Variants in DOK5 observed in about 807,000 individuals in gnomAD.
The protein encoded by DOK5 is docking protein 5.
In DOK5, 27 loss-of-function variants were observed where a neutral mutation model predicts 43.3. That is an observed-to-expected ratio of 0.62 (90% CI 0.46 to 0.86). The LOEUF (loss-of-function observed/expected upper bound fraction) is 0.86, where lower values mean the gene tolerates loss of function less well. Among genes scored for constraint, DOK5 ranks in the 40% least tolerant of loss-of-function variants. The pLI, the probability that DOK5 is intolerant of heterozygous loss-of-function variation, is 0.00. For missense variants in DOK5, 373 were observed against 392.9 expected (o/e 0.95, Z 0.43); for synonymous variants, 146 against 140.1 (o/e 1.04, Z -0.30).
At chr20:54,629,168 A>G (rs1490829451) in intron 6 of DOK5, among the ~76,000 whole-genome samples, 3 of 152,168 alleles carry the variant, frequency 2.0e-5, no homozygotes, top group Non-Finnish European at 2.9e-5. Context: ...TGGGGGCAGG[A>G]CTTATAAAAC....
At chr20:54,502,665 C>T (rs1195955929) in intron 1 of DOK5, among the ~76,000 whole-genome samples, 1 of 152,042 alleles carries the variant, frequency 6.6e-6, no homozygotes, top group Non-Finnish European at 1.5e-5. Context: ...CATTTTTTCC[C>T]CACAAAAATA....
chr20:54,605,676 G>C, intron 5 of DOK5, among the ~76,000 whole-genome samples: 1 of 152,202 alleles, frequency 6.6e-6, no homozygotes, highest in East Asian at 1.9e-4. Flanking sequence ...TCAGGTTCCC[G>C]GTGATGCTTT....
At chr20:54,505,350 G>A (rs992465686) in intron 1 of DOK5, among the ~76,000 whole-genome samples, 11 of 152,198 alleles carry the variant, frequency 7.2e-5, no homozygotes, top group Admixed American at 2.0e-4. Flanking sequence ...GCAGCAAGTT[G>A]AGCAGTTGTG....
chr20:54,567,419 A>G (rs115484950), intron 2 of DOK5, among the ~76,000 whole-genome samples: 1 of 152,060 alleles, frequency 6.6e-6, no homozygotes, highest in African/African-American at 2.4e-5. Flanking sequence ...TTATTCCACT[A>G]TCATTTGTTG....
intron 2 of DOK5, among the ~76,000 whole-genome samples, chr20:54,568,857 G>A (rs1054909167): frequency 1.8e-4 from 27 of 151,970 alleles, no homozygotes; most frequent in African/African-American, 3.4e-4. Context: ...CCGTGAACCC[G>A]GGAGGCGGAG....
intron 6 of DOK5, among the ~76,000 whole-genome samples, chr20:54,626,345 G>A (rs898608755): frequency 6.6e-6 from 1 of 152,120 alleles, no homozygotes; most frequent in African/African-American, 2.4e-5. Context: ...AATTAGAGTT[G>A]GAATGAGTGG....
At position 54,603,748 on chromosome 20, in the gene DOK5, C is replaced by A. The variant is rs140722988; in HGVS notation, c.600-6640C>A. On this transcript the variant is annotated intron_variant, in intron 5 of 7. Transcript: ENST00000262593. ...GACTTTAGTAGAGCTGAGATCAAGT[C>A]CGTATTACAAGCTCCTTAGAAATTC... Among the ~76,000 whole-genome samples, 42 of 152,176 alleles carry A rather than the reference C, an allele frequency of 2.8e-4. No homozygotes were observed. In the East Asian group the frequency reaches 7.9e-3, roughly 29 times the overall value.
chr20:54,484,088 T>A (rs1981830713), intron 1 of DOK5, among the ~76,000 whole-genome samples: 1 of 152,030 alleles, frequency 6.6e-6, no homozygotes, highest in Non-Finnish European at 1.5e-5. Flanking sequence ...TTCTTAAAGA[T>A]TAAGATCAGG....
chr20:54,569,144 G>C (rs558891768), intron 2 of DOK5, among the ~76,000 whole-genome samples: 1 of 152,054 alleles, frequency 6.6e-6, no homozygotes, highest in South Asian at 2.1e-4. Flanking sequence ...AGGTAAAATG[G>C]AGTAATTCAT....
intron 2 of DOK5, among the ~76,000 whole-genome samples, chr20:54,558,069 A>G (rs1462195887): frequency 2.0e-5 from 3 of 152,222 alleles, no homozygotes; most frequent in Admixed American, 6.5e-5. Context: ...ACAGATGTCT[A>G]TGTGTCATAC....
At chr20:54,592,883 AG>A (rs966317637) in intron 5 of DOK5, among the ~76,000 whole-genome samples, 22 of 152,184 alleles carry the variant, frequency 1.4e-4, no homozygotes, top group African/African-American at 4.1e-4. Context: ...AAGAAATATA[AG>A]TTCTTCTGTA....
rs191227246 is a variant in DOK5 at position 54,525,034 on chromosome 20, G to A, written c.67-29899G>A. On this transcript the variant is annotated intron_variant, in intron 1 of 7. Coordinates refer to ENST00000262593, the MANE Select transcript of DOK5 (RefSeq NM_018431.5). ...TCACTGTCCAGTGGGAGAGCAGGCG[G>A]AAGTTCTTACCCTGCTCACATGTTA... Among the ~76,000 whole-genome samples, 5 of 152,202 alleles carry A rather than the reference G, an allele frequency of 3.3e-5. No individual in the cohort carries two copies. The South Asian group carries it at 8.3e-4, about 25-fold the overall frequency.
intron 2 of DOK5, chr20:54,555,310 C>A: frequency 3.0e-6 from 1 of 330,158 alleles, no homozygotes; most frequent in South Asian, 3.8e-5. Context: ...GTACTCCCTA[C>A]ACTGAAGCCC....
chr20:54,620,492 G>T (rs1207852563), intron 6 of DOK5, among the ~76,000 whole-genome samples: 1 of 152,184 alleles, frequency 6.6e-6, no homozygotes, highest in Non-Finnish European at 1.5e-5. Context: ...GCCAGCCTCT[G>T]CCTCCCAAAG....
rs181888321 is a variant in DOK5 at position 54,518,230 on chromosome 20, C to T, written c.67-36703C>T. 6.6e-5 allele frequency among the ~76,000 whole-genome samples: 10 copies of T among 152,178 alleles called. No homozygotes were observed. In the East Asian group the frequency reaches 7.7e-4, roughly 12 times the overall value. ...TGTTGGTGTGCTGCACCCATTAACT[C>T]GTCATTTAACATTAGGTATATCTCC... On this transcript the variant is annotated intron_variant, in intron 1 of 7. Transcript: ENST00000262593.
At chr20:54,514,316 G>T in intron 1 of DOK5, among the ~76,000 whole-genome samples, 1 of 152,134 alleles carries the variant, frequency 6.6e-6, no homozygotes, top group East Asian at 1.9e-4. Context: ...GTGAGAATTT[G>T]CCTTTTCCAC....
chr20:54,649,066 G>A (rs1979578617), intron 7 of DOK5, among the ~76,000 whole-genome samples: 2 of 152,172 alleles, frequency 1.3e-5, no homozygotes, highest in Non-Finnish European at 2.9e-5. Flanking sequence ...ATCAAAGAGT[G>A]GCACTAAACA....
At chr20:54,631,163 C>T (rs1000203355) in intron 6 of DOK5, among the ~76,000 whole-genome samples, 7 of 152,146 alleles carry the variant, frequency 4.6e-5, no homozygotes, top group African/African-American at 1.4e-4. Context: ...AGAATACGTA[C>T]GCTATCCAAT....
At position 54,517,263 on chromosome 20, in the gene DOK5, T is replaced by C. The variant is rs6098041; in HGVS notation, c.67-37670T>C. On this transcript the variant is annotated intron_variant, in intron 1 of 7. Coordinates refer to ENST00000262593, the MANE Select transcript of DOK5 (RefSeq NM_018431.5). ...GGTTAGCTTAGCTTCATTTTCTTCATCTGAATAATCGGCATAGGTATGGAT... is the reference window on the plus strand; with the variant it reads ...GGTTAGCTTAGCTTCATTTTCTTCACCTGAATAATCGGCATAGGTATGGAT... Among the ~76,000 whole-genome samples, 481 of 152,324 alleles carry C rather than the reference T, an allele frequency of 3.2e-3. 1 individual carries two copies. Among genetic ancestry groups the C allele is most frequent in the African/African-American group, 0.011 (463 of 41,564 alleles).
Sources: allele counts gnomAD v4.1 joint callset (sites outside exome capture counted in the v4.1 genomes callset), GRCh38; gene constraint gnomAD v4.1.1; transcripts MANE v1.5; gene names NCBI Gene and HGNC (gene_info 2026-07-23, HGNC 2026-07-21).